Variants in GLUD1 observed in about 807,000 individuals in gnomAD.
GLUD1 encodes glutamate dehydrogenase 1.
GLUD1 carries 22 observed loss-of-function variants against 56.0 expected under a neutral mutation model. The observed-to-expected ratio is 0.39, with a 90% CI of 0.28 to 0.56. The LOEUF is 0.56. GLUD1 is among the 20% of genes least tolerant of loss of function. GLUD1 has a pLI of 0.58. For synonymous variants in GLUD1, 223 were observed against 269.9 expected (o/e 0.83, Z 1.70); for missense variants, 451 against 732.0 (o/e 0.62, Z 4.43).
At chr10:87,075,902 A>G in intron 3 of GLUD1, 66 bp downstream of exon 3, 1 of 1,076,824 alleles carries the variant, frequency 9.3e-7, no homozygotes. Context: ...CAACAGAGGA[A>G]GACTCTGTCT....
chr10:87,094,831 C>T lies in GLUD1; in HGVS notation c.-62G>A. 13 of 1,314,062 alleles carry T rather than the reference C, an allele frequency of 9.9e-6. No homozygotes were observed. The South Asian group carries it at 1.7e-4, about 17-fold the overall frequency. The allele number at this position is 1,314,062 out of a possible 1,614,324, so 81.4% of individuals were successfully genotyped here. On this transcript the variant is annotated 5_prime_UTR_variant, in exon 1 of 13. Coordinates refer to ENST00000277865, the MANE Select transcript of GLUD1 (RefSeq NM_005271.5). The surrounding 1 kb of genome is among the most constrained non-coding windows in gnomAD (Gnocchi z 6.6). ...AACAGGCGCGCTTTCTCAGACTCCCCGCGACTAGGGAGGAAGGGTCCCGCG... is the reference window on the plus strand; with the variant it reads ...AACAGGCGCGCTTTCTCAGACTCCCTGCGACTAGGGAGGAAGGGTCCCGCG...
chr10:87,072,656 T>G (rs1846270331), intron 4 of GLUD1, among the ~76,000 whole-genome samples: 1 of 152,200 alleles, frequency 6.6e-6, no homozygotes, highest in Admixed American at 6.5e-5. Context: ...TCTTTCAGTA[T>G]TCCAATGAAT....
chr10:87,074,667 G>A (rs1846336082), intron 3 of GLUD1, 53 bp from the exon 4 acceptor site: 1 of 969,514 alleles, frequency 1.0e-6, no homozygotes, highest in African/African-American at 1.6e-5. Context: ...AAAATCGCTT[G>A]AGATTATAGC....
At chr10:87,079,228 GA>G (rs199838559) in intron 1 of GLUD1, among the ~76,000 whole-genome samples, 15 of 144,660 alleles carry the variant, frequency 1.0e-4, no homozygotes, top group South Asian at 2.2e-4. Context: ...ACAGAAAAGG[GA>G]AAAAAAAACT....
intron 8 of GLUD1, 166 bp from the exon 9 acceptor site, chr10:87,060,407 T>C: frequency 2.9e-6 from 2 of 689,168 alleles, no homozygotes; most frequent in South Asian, 1.6e-5. Flanking sequence ...AAAACTACCT[T>C]TCACTTTTCT....
chr10:87,090,523 G>A (rs1564566621), intron 1 of GLUD1, among the ~76,000 whole-genome samples: 1 of 152,144 alleles, frequency 6.6e-6, no homozygotes, highest in Non-Finnish European at 1.5e-5. Flanking sequence ...CCATTACCAA[G>A]CGTCTTCATT....
intron 4 of GLUD1, among the ~76,000 whole-genome samples, chr10:87,070,627 T>C (rs540952104): frequency 3.1e-4 from 47 of 151,932 alleles, no homozygotes; most frequent in African/African-American, 8.7e-4. Flanking sequence ...ACAATTCCAA[T>C]TGGAGAAGGG....
At chr10:87,079,531 T>A (rs2133834789) in intron 1 of GLUD1, among the ~76,000 whole-genome samples, 1 of 152,348 alleles carries the variant, frequency 6.6e-6, no homozygotes, top group East Asian at 1.9e-4. Flanking sequence ...CCACATATTA[T>A]TTAATGATAA....
intron 1 of GLUD1, among the ~76,000 whole-genome samples, chr10:87,081,745 GGCAGCATGCTC>G (rs1841260422): frequency 6.6e-6 from 1 of 151,836 alleles, no homozygotes; most frequent in African/African-American, 2.4e-5. Flanking sequence ...GATGCTTGAA[GGCAGCATGCTC>G]GTTAAGAGTC....
At chr10:87,057,307 T>C (rs541822034) in intron 11 of GLUD1, among the ~76,000 whole-genome samples, 1 of 152,238 alleles carries the variant, frequency 6.6e-6, no homozygotes, top group South Asian at 2.1e-4. Context: ...TTCTTTATTT[T>C]TGTAGAGATG....
intron 1 of GLUD1, among the ~76,000 whole-genome samples, chr10:87,080,047 C>G (rs1400559428): frequency 6.6e-6 from 1 of 151,702 alleles, no homozygotes; most frequent in Admixed American, 6.6e-5. Flanking sequence ...GCCTGATTCT[C>G]CTGCCTCAGC....
At chr10:87,075,758 C>A (rs1846370032) in intron 3 of GLUD1, among the ~76,000 whole-genome samples, 1 of 152,124 alleles carries the variant, frequency 6.6e-6, no homozygotes, top group South Asian at 2.1e-4. Flanking sequence ...CCCCTCTCTA[C>A]TAAAAATACA....
intron 4 of GLUD1, among the ~76,000 whole-genome samples, chr10:87,069,221 T>C (rs1846156542): frequency 6.6e-6 from 1 of 151,970 alleles, no homozygotes; most frequent in Admixed American, 6.6e-5. Flanking sequence ...ACTTAAAAAA[T>C]GGTTAAACTA....
intron 2 of GLUD1, 78 bp downstream of exon 2, chr10:87,076,498 C>T: frequency 2.3e-6 from 2 of 886,858 alleles, no homozygotes; most frequent in Non-Finnish European, 3.9e-6. Flanking sequence ...TATATTTCTA[C>T]AGCATCTTAA....
chr10:87,074,507 T>C, intron 4 of GLUD1, 44 bp downstream of exon 4: 1 of 1,145,872 alleles, frequency 8.7e-7, no homozygotes, highest in Non-Finnish European at 1.3e-6. Context: ...AAAAAATTTT[T>C]AGATGTTCCC....
At chr10:87,087,804 G>A (rs917784654) in intron 1 of GLUD1, among the ~76,000 whole-genome samples, 4 of 152,190 alleles carry the variant, frequency 2.6e-5, no homozygotes, top group African/African-American at 9.7e-5. Context: ...CTGTCTGCCA[G>A]GCACGGTGGC....
chr10:87,052,911 G>A (rs1193135555), intron 12 of GLUD1, among the ~76,000 whole-genome samples: 1 of 152,054 alleles, frequency 6.6e-6, no homozygotes, highest in Non-Finnish European at 1.5e-5. Flanking sequence ...GATAGAATCT[G>A]AACCCAAGAA....
chr10:87,085,738 C>T (rs1450795765), intron 1 of GLUD1, among the ~76,000 whole-genome samples: 1 of 152,166 alleles, frequency 6.6e-6, no homozygotes, highest in African/African-American at 2.4e-5. Flanking sequence ...TATATCCTTC[C>T]AAATCATGTT....
At chr10:87,081,506 C>T (rs1367891934) in intron 1 of GLUD1, among the ~76,000 whole-genome samples, 2 of 149,302 alleles carry the variant, frequency 1.3e-5, no homozygotes, top group Admixed American at 6.7e-5. Context: ...GAATAGAAAG[C>T]GGGGAAAGGT....
Sources: allele counts gnomAD v4.1 joint callset (sites outside exome capture counted in the v4.1 genomes callset), GRCh38; gene constraint gnomAD v4.1.1; non-coding constraint Gnocchi (gnomAD v3.1); transcripts MANE v1.5; gene names NCBI Gene and HGNC (gene_info 2026-07-23, HGNC 2026-07-21).